ZNF346: variants seen among roughly 807,000 people sequenced by gnomAD.
The protein encoded by ZNF346 is double-stranded RNA-binding zinc finger protein JAZ.
Under a neutral mutation model 33.7 loss-of-function variants are expected in ZNF346, and 23 were observed. That is an observed-to-expected ratio of 0.68 (90% CI 0.49 to 0.97). ZNF346 has a LOEUF of 0.97. ZNF346 is among the 50% of genes least tolerant of loss of function. The pLI is 0.00. For synonymous variants in ZNF346, 134 were observed against 142.4 expected (o/e 0.94, Z 0.42); for missense variants, 340 against 371.1 (o/e 0.92, Z 0.69).
At chr5:177,055,103 G>A (rs1018878615) in intron 5 of ZNF346, among the ~76,000 whole-genome samples, 22 of 146,664 alleles carry the variant, frequency 1.5e-4, no homozygotes, top group African/African-American at 4.8e-4. Context: ...GTGCAATCTC[G>A]GCTCACCGCG....
At chr5:177,069,178 C>T (rs1035643633), downstream of ZNF346, among the ~76,000 whole-genome samples, 4 of 142,322 alleles carry the variant, frequency 2.8e-5, 1 homozygote. Flanking sequence ...TTTTTTCAGC[C>T]AGGCGCAGTG....
intron 1 of ZNF346, among the ~76,000 whole-genome samples, chr5:177,031,363 C>T (rs1308134462): frequency 1.3e-5 from 2 of 152,332 alleles, no homozygotes; most frequent in Non-Finnish European, 2.9e-5. Context: ...GATCATTTGG[C>T]TGGATATAGA....
intron 4 of ZNF346, 60 bp from the exon 5 acceptor site, chr5:177,050,691 C>CT (rs1780739836): frequency 1.3e-6 from 2 of 1,597,838 alleles, no homozygotes; most frequent in Non-Finnish European, 1.7e-6. Flanking sequence ...TGTTTGAACT[C>CT]TCTCACTGCA....
At chr5:177,050,613 T>G in intron 4 of ZNF346, 138 bp from the exon 5 acceptor site, 1 of 825,526 alleles carries the variant, frequency 1.2e-6, no homozygotes, top group Non-Finnish European at 2.0e-6. Flanking sequence ...TAGGATTAAC[T>G]GGTGTCACAG....
intron 1 of ZNF346, among the ~76,000 whole-genome samples, chr5:177,039,996 C>G (rs1009355452): frequency 6.6e-6 from 1 of 151,886 alleles, no homozygotes; most frequent in Non-Finnish European, 1.5e-5. Context: ...CTGGCTAACA[C>G]GATGAAACCC....
chr5:177,045,273 C>T (rs1266112886), intron 4 of ZNF346, among the ~76,000 whole-genome samples: 2 of 152,144 alleles, frequency 1.3e-5, no homozygotes, highest in African/African-American at 4.8e-5. Flanking sequence ...AAGTAGACTA[C>T]ACTATTAGTA....
intron 1 of ZNF346, among the ~76,000 whole-genome samples, chr5:177,035,619 A>G (rs889356541): frequency 7.6e-6 from 1 of 131,128 alleles, no homozygotes; most frequent in Non-Finnish European, 1.6e-5. Flanking sequence ...TTACCATCAC[A>G]CCCGGCTAAT....
chr5:177,069,182 C>T (rs1165832414), downstream of ZNF346, among the ~76,000 whole-genome samples: 1 of 142,084 alleles, frequency 7.0e-6, no homozygotes, highest in Non-Finnish European at 1.5e-5. Context: ...TTCAGCCAGG[C>T]GCAGTGGCTC....
At chr5:177,068,251 T>C (rs768703649), downstream of ZNF346, among the ~76,000 whole-genome samples, 32 of 144,126 alleles carry the variant, frequency 2.2e-4, 3 homozygotes, top group Non-Finnish European at 4.0e-4. Context: ...TCCCTCCATT[T>C]TTCTCATAAT....
rs1391084715 is a variant in ZNF346 at position 177,064,795 on chromosome 5, G to T, written c.*196G>T. ...GCTCCCCTTTGGCAGGGGTCCTGTA[G>T]GTCATGACAGGGGAGGCAAGGGTAT... On this transcript the variant is annotated 3_prime_UTR_variant, in exon 7 of 7. Coordinates refer to ENST00000358149, the MANE Select transcript of ZNF346 (RefSeq NM_012279.4). 5.1e-6 allele frequency: 3 copies of T among 588,802 alleles called. No homozygotes were observed. In the African/African-American group the frequency reaches 5.6e-5, roughly 11 times the overall value. The allele number at this position is 588,802 out of a possible 1,614,324, so 36.5% of individuals were successfully genotyped here.
chr5:177,031,137 G>A (rs1581797702), intron 1 of ZNF346, among the ~76,000 whole-genome samples: 3 of 152,240 alleles, frequency 2.0e-5, no homozygotes, highest in Admixed American at 2.0e-4. Context: ...CTGGGTTCAC[G>A]CCATTCTCCT....
intron 1 of ZNF346, among the ~76,000 whole-genome samples, chr5:177,037,573 C>G (rs1215816488): frequency 6.6e-6 from 1 of 152,204 alleles, no homozygotes; most frequent in Non-Finnish European, 1.5e-5. Context: ...CACTCCCACC[C>G]CCACATCCAG....
intron 1 of ZNF346, 30 bp downstream of exon 1, chr5:177,022,943 C>T (rs1776029012): frequency 6.9e-7 from 1 of 1,448,742 alleles, no homozygotes; most frequent in Non-Finnish European, 9.1e-7. Flanking sequence ...GGCAGAAAGC[C>T]CCTCGCCCGC....
chr5:177,076,334 G>A (rs545534017), intron 8 of ZNF346, among the ~76,000 whole-genome samples: 1 of 152,314 alleles, frequency 6.6e-6, no homozygotes, highest in East Asian at 1.9e-4. Flanking sequence ...TCTTTGGTTG[G>A]CCAAATTTTA....
downstream of ZNF346, among the ~76,000 whole-genome samples, chr5:177,069,253 T>A (rs919544165): frequency 3.4e-5 from 5 of 148,660 alleles, 1 homozygote; most frequent in African/African-American, 1.3e-4. Flanking sequence ...GGTCAGGAGT[T>A]CCAGACCAGC....
intron 5 of ZNF346, among the ~76,000 whole-genome samples, chr5:177,060,881 C>A (rs189419690): frequency 6.6e-6 from 1 of 151,852 alleles, no homozygotes; most frequent in African/African-American, 2.4e-5. Context: ...GAGGCCGAGG[C>A]GGGTGGATCA....
intron 5 of ZNF346, among the ~76,000 whole-genome samples, chr5:177,051,436 A>G (rs1281944155): frequency 6.6e-6 from 1 of 151,666 alleles, no homozygotes; most frequent in East Asian, 1.9e-4. Flanking sequence ...CGGCCTCCCA[A>G]AGTGCTAGAA....
At chr5:177,051,543 C>T (rs554058800) in intron 5 of ZNF346, among the ~76,000 whole-genome samples, 9 of 147,180 alleles carry the variant, frequency 6.1e-5, no homozygotes, top group South Asian at 2.2e-4. Context: ...TTTGTTTTTG[C>T]GTTTGTGTTT....
intron 1 of ZNF346, among the ~76,000 whole-genome samples, chr5:177,031,998 C>CTTTTTTTTTTTTTTTTTTTTTTT (rs34021834): frequency 8.8e-5 from 6 of 67,838 alleles, no homozygotes; most frequent in Non-Finnish European, 1.2e-4. Flanking sequence ...TTTCTTTTTT[C>CTTTTTTTTTTTTTTTTTTTTTTT]TTTTTTTTTT....
Sources: gnomAD v4.1 joint callset for allele counts (sites outside exome capture counted in the v4.1 genomes callset) on GRCh38, gnomAD v4.1.1 for gene constraint, MANE v1.5 for transcripts, NCBI Gene and HGNC (gene_info 2026-07-23, HGNC 2026-07-21) for gene names.